Variants in MAPK10 observed in about 807,000 individuals in gnomAD.
The protein encoded by MAPK10 is mitogen-activated protein kinase 10.
Under a neutral mutation model 59.3 loss-of-function variants are expected in MAPK10, and 25 were observed. The ratio of observed to expected loss-of-function variants is 0.42; its 90% CI spans 0.31 to 0.59. The LOEUF (loss-of-function observed/expected upper bound fraction) is 0.59, where lower values mean the gene tolerates loss of function less well. Ranked by LOEUF, MAPK10 falls within the 20% of genes least tolerant of loss-of-function variation. MAPK10 has a pLI of 0.15. For missense variants in MAPK10, 351 were observed against 568.9 expected (o/e 0.62, Z 3.90); for synonymous variants, 190 against 200.5 (o/e 0.95, Z 0.44).
chr4:86,361,050 T>A (rs1736860436), upstream of MAPK10, among the ~76,000 whole-genome samples: 1 of 152,188 alleles, frequency 6.6e-6, no homozygotes. Flanking sequence ...TAGTGCTGAG[T>A]TGTAAATGAT....
At chr4:86,021,135 CAG>C (rs1280502258) in intron 13 of MAPK10, among the ~76,000 whole-genome samples, 3 of 152,212 alleles carry the variant, frequency 2.0e-5, no homozygotes, top group Non-Finnish European at 4.4e-5. Flanking sequence ...CAGCTAGATA[CAG>C]AGTGTGGATT....
rs1365288751 is a variant in MAPK10 at position 86,508,148 on chromosome 4, TATC to T, written c.-263+85759_-263+85761del. Among the ~76,000 whole-genome samples the T allele has an allele frequency of 3.3e-5, 5 of 152,216 alleles. 1 individual carries two copies. The South Asian group carries it at 8.3e-4, about 25-fold the overall frequency. The stretch of plus-strand genomic sequence containing the variant: ...CATTGTATTCCTATTCGCAAAAAAA[TATC>T]ATTTTCTTTTAGAGAATCTTCCTCT... On this transcript the variant is annotated intron_variant, in intron 1 of 4. Transcript: ENST00000502302.
At chr4:86,296,949 C>T (rs974610611) in intron 2 of MAPK10, among the ~76,000 whole-genome samples, 4 of 152,164 alleles carry the variant, frequency 2.6e-5, no homozygotes, top group African/African-American at 4.8e-5. Context: ...TCACTTGCTA[C>T]GCAGTGGTTA....
At chr4:86,514,324 G>C (rs1459232227) in intron 1 of MAPK10, among the ~76,000 whole-genome samples, 1 of 152,002 alleles carries the variant, frequency 6.6e-6, no homozygotes, top group African/African-American at 2.4e-5. Context: ...CCTCAGATTG[G>C]CACCACCCTT....
chr4:86,547,867 G>C (rs189365214), intron 1 of MAPK10, among the ~76,000 whole-genome samples: 15 of 152,316 alleles, frequency 9.8e-5, no homozygotes, highest in African/African-American at 3.6e-4. Flanking sequence ...TCTGTATTTA[G>C]CTACTCTGGT....
chr4:86,373,196 G>C (rs1468151242), intron 1 of MAPK10, among the ~76,000 whole-genome samples: 1 of 152,176 alleles, frequency 6.6e-6, no homozygotes, highest in Non-Finnish European at 1.5e-5. Flanking sequence ...TGGGAAAACT[G>C]GCTAGCCATA....
In MAPK10 at chr4:86,422,949, G is replaced by A. The variant is rs142659981; in HGVS notation, c.-122+30081C>T. On this transcript the variant is annotated intron_variant, in intron 1 of 13. Coordinates refer to the MAPK10 transcript ENST00000361569. ...CCAGTCTTTGTTGTTATTTGCTAAT[G>A]GACTTTATGATGGTTGAAAGGTAAA... is the stretch of plus-strand genomic sequence containing the variant. Among the ~76,000 whole-genome samples, 874 of 152,232 alleles carry A rather than the reference G, an allele frequency of 5.7e-3. 6 individuals are homozygous for A. The highest frequency in any genetic ancestry group is 0.019 in the African/African-American group (780 of 41,546).
rs78342044 is a variant in MAPK10 at position 86,427,417 on chromosome 4, A to G, written c.-122+25613T>C. Among the ~76,000 whole-genome samples, 128 of 152,216 alleles carry G rather than the reference A, an allele frequency of 8.4e-4. 2 individuals are homozygous for G. The East Asian group carries it at 0.021, about 25-fold the overall frequency. ...GGCCTCCTACTCTCCTCTGACTACC[A>G]TAGTTTCCCCATTGAAACCCCACTC... is the stretch of plus-strand genomic sequence containing the variant. On this transcript the variant is annotated intron_variant, in intron 1 of 13. Transcript: ENST00000361569.
At chr4:86,112,715 G>A (rs1176163408) in intron 4 of MAPK10, among the ~76,000 whole-genome samples, 1 of 151,828 alleles carries the variant, frequency 6.6e-6, no homozygotes, top group Non-Finnish European at 1.5e-5. Context: ...AAGTTCTGTA[G>A]ATATCTATCA....
chr4:86,238,891 G>C (rs1413568414), intron 2 of MAPK10, among the ~76,000 whole-genome samples: 1 of 152,162 alleles, frequency 6.6e-6, no homozygotes, highest in African/African-American at 2.4e-5. Flanking sequence ...ATGTTGAATA[G>C]GAGCGGTGAC....
At chr4:86,330,623 T>C (rs912332818) in intron 2 of MAPK10, among the ~76,000 whole-genome samples, 3 of 152,158 alleles carry the variant, frequency 2.0e-5, no homozygotes, top group Non-Finnish European at 4.4e-5. Flanking sequence ...CCCCTTCCTA[T>C]CATCATGTGA....
chr4:86,396,039 G>A (rs1337529009), intron 1 of MAPK10, among the ~76,000 whole-genome samples: 3 of 152,174 alleles, frequency 2.0e-5, no homozygotes, highest in Admixed American at 6.5e-5. Flanking sequence ...CCTTTTTTAC[G>A]TGAACCTAAG....
At chr4:86,105,963 T>G (rs1405473887) in intron 5 of MAPK10, among the ~76,000 whole-genome samples, 2 of 152,154 alleles carry the variant, frequency 1.3e-5, no homozygotes, top group Non-Finnish European at 2.9e-5. Context: ...CACCTGACAT[T>G]TTACACATTG....
chr4:86,411,842 A>T (rs1221957749), intron 1 of MAPK10, among the ~76,000 whole-genome samples: 1 of 151,552 alleles, frequency 6.6e-6, no homozygotes, highest in Non-Finnish European at 1.5e-5. Context: ...ATGGGTCTTG[A>T]CTCTTTATCC....
intron 3 of MAPK10, among the ~76,000 whole-genome samples, chr4:86,169,919 TAAAGA>T (rs1193695892): frequency 6.6e-6 from 1 of 152,052 alleles, no homozygotes; most frequent in African/African-American, 2.4e-5. Flanking sequence ...TCAACATTCT[TAAAGA>T]AAAGAATTTC....
intron 1 of MAPK10, among the ~76,000 whole-genome samples, chr4:86,438,688 C>T (rs1270344372): frequency 7.3e-6 from 1 of 137,588 alleles, no homozygotes; most frequent in Non-Finnish European, 1.6e-5. Context: ...AAAACTCCAT[C>T]TCAAAAAAAA....
intron 2 of MAPK10, among the ~76,000 whole-genome samples, chr4:86,265,777 G>T (rs1307415538): frequency 6.6e-6 from 1 of 152,082 alleles, no homozygotes; most frequent in Non-Finnish European, 1.5e-5. Context: ...TGTAGAAGCT[G>T]GAGAATCTAC....
intron 11 of MAPK10, among the ~76,000 whole-genome samples, chr4:86,056,903 T>C (rs756071310): frequency 2.0e-5 from 3 of 149,412 alleles, no homozygotes; most frequent in Non-Finnish European, 4.4e-5. Context: ...TGCATTTGGG[T>C]AACCAAACTT....
chr4:86,062,865 T>A (rs917926211), intron 11 of MAPK10, among the ~76,000 whole-genome samples: 2 of 152,230 alleles, frequency 1.3e-5, no homozygotes, highest in South Asian at 4.1e-4. Context: ...CTGGAAGAGG[T>A]TCTATATTTT....
Sources: gnomAD v4.1 joint callset for allele counts (sites outside exome capture counted in the v4.1 genomes callset) on GRCh38, gnomAD v4.1.1 for gene constraint, MANE v1.5 for transcripts, NCBI Gene and HGNC (gene_info 2026-07-23, HGNC 2026-07-21) for gene names.